CYFIP1: variants seen among roughly 807,000 people sequenced by gnomAD.
The protein encoded by CYFIP1 is cytoplasmic FMR1 interacting protein 1.
In CYFIP1, 58 loss-of-function variants were observed where a neutral mutation model predicts 163.5. That is an observed-to-expected ratio of 0.35 (90% CI 0.29 to 0.44). CYFIP1 has a LOEUF of 0.44. Ranked by LOEUF, CYFIP1 falls within the 20% of genes least tolerant of loss-of-function variation. CYFIP1 has a pLI of 1.00. For synonymous variants in CYFIP1, 663 were observed against 660.7 expected (o/e 1.00, Z -0.05); for missense variants, 1,338 against 1,653.8 (o/e 0.81, Z 3.31).
intron 8 of CYFIP1, among the ~76,000 whole-genome samples, chr15:22,937,600 T>TTC (rs1160342773): frequency 1.3e-5 from 2 of 150,512 alleles, no homozygotes; most frequent in East Asian, 3.9e-4. Context: ...AAAATTCTTT[T>TTC]TTTGTTTTTT....
intron 11 of CYFIP1, 54 bp downstream of exon 11, chr15:22,932,169 A>G: frequency 7.4e-7 from 1 of 1,351,218 alleles, no homozygotes; most frequent in Non-Finnish European, 1.0e-6. Flanking sequence ...TTTGGGTGCA[A>G]ACACACACAG....
intron 11 of CYFIP1, among the ~76,000 whole-genome samples, chr15:22,928,607 GC>G (rs1250258718): frequency 1.3e-5 from 2 of 152,142 alleles, no homozygotes; most frequent in Non-Finnish European, 2.9e-5. Context: ...CTTCCACTAG[GC>G]CGGGGAAGGG....
rs534170637 is a variant in CYFIP1, at chr15:22,956,716, C to A, written c.-6-9425G>T. 3.3e-4 allele frequency among the ~76,000 whole-genome samples: 51 copies of A among 152,292 alleles called. 2 individuals carry two copies. In the South Asian group the frequency reaches 9.3e-3, roughly 28 times the overall value. ...CCACACCATCCAGATGGCCCCACGGCCCCACTGCCGCCCCGAGACAGCAGT... is the reference window on the plus strand; with the variant it reads ...CCACACCATCCAGATGGCCCCACGGACCCACTGCCGCCCCGAGACAGCAGT... On this transcript the variant is annotated intron_variant, in intron 1 of 30. Transcript: ENST00000617928.
At chr15:22,900,198 G>C (rs938457453) in intron 22 of CYFIP1, among the ~76,000 whole-genome samples, 1 of 152,102 alleles carries the variant, frequency 6.6e-6, no homozygotes, top group Admixed American at 6.5e-5. Flanking sequence ...GAGAAGAGAA[G>C]AGACAGAGAC....
Position 22,950,523 on chromosome 15 carries a change from T to C in CYFIP1, c.-6-3232A>G, listed in dbSNP as rs1264645439. 9.2e-5 allele frequency among the ~76,000 whole-genome samples: 14 copies of C among 152,294 alleles called. No individual in the cohort carries two copies. In the South Asian group the frequency reaches 1.7e-3, roughly 18 times the overall value. ...GACAGAGCTGGAAGAAGAAATGCCA[T>C]AGCCACCCCCGAATCTCAGTTTCAC... On this transcript the variant is annotated intron_variant, in intron 1 of 30. Transcript: ENST00000617928.
At chr15:22,901,086 C>A (rs1385286134) in intron 22 of CYFIP1, among the ~76,000 whole-genome samples, 2 of 151,636 alleles carry the variant, frequency 1.3e-5, no homozygotes, top group African/African-American at 4.8e-5. Flanking sequence ...ATCTGTAATC[C>A]CAGCTACTCC....
At chr15:22,892,072 AAG>A (rs1021252147) in intron 23 of CYFIP1, among the ~76,000 whole-genome samples, 1 of 152,150 alleles carries the variant, frequency 6.6e-6, no homozygotes, top group African/African-American at 2.4e-5. Context: ...TCGCAGAGGG[AAG>A]ACGCTTTCGC....
At chr15:22,931,556 C>T (rs970846791) in intron 11 of CYFIP1, among the ~76,000 whole-genome samples, 1 of 151,868 alleles carries the variant, frequency 6.6e-6, no homozygotes, top group Non-Finnish European at 1.5e-5. Flanking sequence ...TTTCCTTTCC[C>T]AGTGTCCTCC....
chr15:22,892,944 T>G lies in CYFIP1; in HGVS notation c.2622A>C (p.Glu874Asp), dbSNP rs1467516282. Residue 874 changes from glutamate (E) to aspartate (D), a missense_variant, in exon 23 of 31, where the codon GAA becomes GAC. Physicochemically the swap from Glu to Asp is conservative, Grantham distance 45. Transcript: ENST00000617928. ...CATTAGGCTGCTTATCTCTTTGAAA[T>G]TCCTGAGAAAATGGTAACACTGTCC... Reference protein sequence around the residue: ...FVRTVLPFSQEFQRDKQPNAQ... With the variant: ...FVRTVLPFSQDFQRDKQPNAQ... 6.2e-7 allele frequency: 1 copy of G among 1,613,766 alleles called. No individual in the cohort carries two copies. The highest frequency in any genetic ancestry group is 1.1e-5 in the South Asian group (1 of 91,078).
chr15:22,953,793 C>T (rs535096930), intron 1 of CYFIP1, among the ~76,000 whole-genome samples: 8 of 152,320 alleles, frequency 5.3e-5, no homozygotes, highest in Non-Finnish European at 7.3e-5. Context: ...CAGTGGCTCA[C>T]GCCTGTAATC....
chr15:22,905,629 C>T (rs1042324080), intron 21 of CYFIP1, among the ~76,000 whole-genome samples: 2 of 151,314 alleles, frequency 1.3e-5, no homozygotes, highest in Non-Finnish European at 2.9e-5. Context: ...TTAGTAGAGA[C>T]GGGGTTTACC....
chr15:22,956,060 A>G (rs975247823), intron 1 of CYFIP1, among the ~76,000 whole-genome samples: 3 of 152,126 alleles, frequency 2.0e-5, no homozygotes, highest in African/African-American at 7.2e-5. Flanking sequence ...TACAAAAATC[A>G]GCTGGGCATG....
In CYFIP1 at chr15:22,868,983, A is replaced by G. The variant is rs1218016729; in HGVS notation, c.*1045T>C. 1 of 152,174 alleles carries G rather than the reference A, an allele frequency of 6.6e-6. No individual in the cohort carries two copies. The highest frequency in any genetic ancestry group is 1.5e-5 in the Non-Finnish European group (1 of 68,030). The allele number at this position is 152,174 out of a possible 1,614,324, so 9.4% of individuals were successfully genotyped here. On this transcript the variant is annotated 3_prime_UTR_variant, in exon 31 of 31. Transcript: ENST00000617928. ...TCATTGCCTTAGTACTTTTTAAAATATGGCTTTAGTTTCTCAAACATGTTC... is the reference window on the plus strand; with the variant it reads ...TCATTGCCTTAGTACTTTTTAAAATGTGGCTTTAGTTTCTCAAACATGTTC...
At position 22,869,235 on chromosome 15, in the gene CYFIP1, T is replaced by C. The variant is rs999868611; in HGVS notation, c.*793A>G. The C allele has an allele frequency of 6.6e-6, 1 of 152,176 alleles. No individual in the cohort carries two copies. Among genetic ancestry groups the C allele is most frequent in the African/African-American group, 2.4e-5 (1 of 41,392 alleles). 9.4% of individuals were successfully genotyped at this position (152,176 alleles called of 1,614,324 possible). A position where few individuals can be genotyped will look rare whatever the true frequency, so the allele number is the denominator to read the frequency against. ...AGAGGCACTGAGTAGCCTCTTCATA[T>C]CCAGATTGGAGCAGCCAACACGGCC... On this transcript the variant is annotated 3_prime_UTR_variant, in exon 31 of 31. Coordinates refer to ENST00000617928, the MANE Select transcript of CYFIP1 (RefSeq NM_014608.6).
chr15:22,893,453 G>T (rs548124278), intron 22 of CYFIP1, among the ~76,000 whole-genome samples: 2 of 152,302 alleles, frequency 1.3e-5, no homozygotes, highest in East Asian at 1.9e-4. Flanking sequence ...ACTTAAAATC[G>T]AATGTGTCCA....
intron 1 of CYFIP1, chr15:22,948,109 C>G: frequency 2.2e-6 from 1 of 457,680 alleles, no homozygotes; most frequent in Non-Finnish European, 2.9e-6. Context: ...AGCACTGGCG[C>G]AGGCATGGAG....
At chr15:22,898,714 T>C (rs1329127498) in intron 22 of CYFIP1, among the ~76,000 whole-genome samples, 1 of 152,014 alleles carries the variant, frequency 6.6e-6, no homozygotes, top group Non-Finnish European at 1.5e-5. Flanking sequence ...TTTAAAAACC[T>C]TTTTGTAGAC....
In CYFIP1 at chr15:22,870,460, C is replaced by T. The variant is rs748941477; in HGVS notation, c.3598-268G>A. ...AGTAGCTGGGACCACAGGCGTGTAC[C>T]ACCACACGCAGCTAATTTTTAAATT... is the stretch of plus-strand genomic sequence containing the variant. On this transcript the variant is annotated intron_variant, in intron 30 of 30. Transcript: ENST00000617928. Among the ~76,000 whole-genome samples, 26 of 152,146 alleles carry T rather than the reference C, an allele frequency of 1.7e-4. No individual in the cohort carries two copies. In the South Asian group the frequency reaches 4.2e-3, roughly 24 times the overall value.
intron 16 of CYFIP1, chr15:22,915,248 A>T (rs912388190): frequency 5.5e-6 from 1 of 182,646 alleles, no homozygotes; most frequent in Non-Finnish European, 1.1e-5. Context: ...CTCCTGCCTC[A>T]GCCTCCCAAG....
Sources: gnomAD v4.1 joint callset for allele counts (sites outside exome capture counted in the v4.1 genomes callset) on GRCh38, gnomAD v4.1.1 for gene constraint, MANE v1.5 for transcripts, NCBI Gene and HGNC (gene_info 2026-07-23, HGNC 2026-07-21) for gene names.